Variants in ARHGAP18 observed in about 807,000 individuals in gnomAD.
ARHGAP18 encodes the protein rho GTPase-activating protein 18.
A neutral mutation model predicts 86.2 loss-of-function variants in ARHGAP18; 67 were observed. The observed-to-expected ratio is 0.78, with a 90% confidence interval of 0.64 to 0.95. The LOEUF (loss-of-function observed/expected upper bound fraction) is 0.95, where lower values mean the gene tolerates loss of function less well. Among genes scored for constraint, ARHGAP18 ranks in the 40% least tolerant of loss-of-function variants. The pLI is 0.00. For synonymous variants in ARHGAP18, 283 were observed against 280.4 expected, an observed-to-expected ratio of 1.01 and a Z score of -0.09; for missense variants, 691 against 780.4, an observed-to-expected ratio of 0.89 and a Z score of 1.37.
chr6:129,667,725 A>G (rs1419501609), intron 1 of ARHGAP18, among the ~76,000 whole-genome samples: 1 of 152,024 alleles, frequency 6.6e-6, no homozygotes, highest in Admixed American at 6.6e-5. Flanking sequence ...GAAACTGACA[A>G]GAAATTCACT....
At chr6:129,650,254 T>G (rs1171071936) in intron 1 of ARHGAP18, among the ~76,000 whole-genome samples, 2 of 151,902 alleles carry the variant, frequency 1.3e-5, no homozygotes, top group Non-Finnish European at 2.9e-5. Flanking sequence ...ACTAAAAGAA[T>G]AGGGACATAG....
chr6:129,706,054 C>T (rs374809033), intron 1 of ARHGAP18, among the ~76,000 whole-genome samples: 21 of 152,278 alleles, frequency 1.4e-4, no homozygotes, highest in African/African-American at 4.8e-4. Flanking sequence ...ATATCTCACT[C>T]ATCAGTCCAT....
chr6:129,641,761 C>A (rs767777767), intron 2 of ARHGAP18, 55 bp downstream of exon 2: 54 of 1,459,236 alleles, frequency 3.7e-5, no homozygotes, highest in Non-Finnish European at 5.0e-5. Flanking sequence ...TCTATGCATT[C>A]ATTTCCTATA....
intron 1 of ARHGAP18, among the ~76,000 whole-genome samples, chr6:129,666,655 G>C (rs547017660): frequency 6.6e-5 from 10 of 152,274 alleles, no homozygotes; most frequent in African/African-American, 2.4e-4. Context: ...CCCTTCCCCA[G>C]CTACTTCTCT....
At chr6:129,662,245 G>A (rs1345377540) in intron 1 of ARHGAP18, among the ~76,000 whole-genome samples, 1 of 152,218 alleles carries the variant, frequency 6.6e-6, no homozygotes, top group Non-Finnish European at 1.5e-5. Context: ...TACAAATATG[G>A]CAGAAGATGA....
chr6:129,687,789 AT>A (rs5879961), intron 1 of ARHGAP18, among the ~76,000 whole-genome samples: 28,936 of 151,596 alleles, frequency 0.19, 3,110 homozygotes, highest in South Asian at 0.32. Flanking sequence ...GTAACCAAAC[AT>A]TTTTTTTTAA....
intron 4 of ARHGAP18, among the ~76,000 whole-genome samples, 180 bp from the exon 5 acceptor site, chr6:129,629,702 T>C (rs887922325): frequency 7.2e-5 from 11 of 152,124 alleles, no homozygotes; most frequent in African/African-American, 1.2e-4. Flanking sequence ...GCATGGGAAG[T>C]GGGCAGGGAG....
In ARHGAP18 at chr6:129,623,483, T is replaced by A. The variant is rs1344429969; in HGVS notation, c.787-4631A>T. On this transcript the variant is annotated intron_variant, in intron 5 of 14. Transcript: ENST00000368149. ...AGAAATTTGAATCCACGATGAGAGA[T>A]CATAAAGAATTGACAAAGGTTGCTC... is the stretch of plus-strand genomic sequence containing the variant. Among the ~76,000 whole-genome samples the A allele has an allele frequency of 2.6e-5, 4 of 152,132 alleles. No homozygotes were observed. In the East Asian group the frequency reaches 7.7e-4, roughly 29 times the overall value.
At chr6:129,581,899 A>G (rs1170696691) in intron 13 of ARHGAP18, among the ~76,000 whole-genome samples, 3 of 152,162 alleles carry the variant, frequency 2.0e-5, no homozygotes, top group Non-Finnish European at 4.4e-5. Flanking sequence ...AGACAGTGCT[A>G]TATGCTGCAT....
At chr6:129,588,407 T>G (rs1788443973) in intron 12 of ARHGAP18, among the ~76,000 whole-genome samples, 1 of 152,218 alleles carries the variant, frequency 6.6e-6, no homozygotes, top group Non-Finnish European at 1.5e-5. Flanking sequence ...TGAGCCACCA[T>G]GCCCAGCCTA....
intron 10 of ARHGAP18, among the ~76,000 whole-genome samples, chr6:129,603,498 A>G (rs773844382): frequency 1.3e-5 from 2 of 152,178 alleles, no homozygotes; most frequent in Non-Finnish European, 2.9e-5. Context: ...CTGAAAAGCC[A>G]GGTTTGAGTA....
chr6:129,578,713 T>C, intron 14 of ARHGAP18, 109 bp from the exon 15 acceptor site: 2 of 909,924 alleles, frequency 2.2e-6, no homozygotes, highest in Non-Finnish European at 3.2e-6. Context: ...AAAATACTTA[T>C]TCTACTTTGG....
intron 7 of ARHGAP18, among the ~76,000 whole-genome samples, chr6:129,615,661 G>A (rs1056913163): frequency 6.6e-6 from 1 of 152,122 alleles, no homozygotes; most frequent in African/African-American, 2.4e-5. Context: ...CTGTATTTCT[G>A]AACAATGATG....
intron 6 of ARHGAP18, 98 bp downstream of exon 6, chr6:129,618,589 G>T (rs1789143754): frequency 1.8e-6 from 2 of 1,133,164 alleles, no homozygotes; most frequent in African/African-American, 3.1e-5. Context: ...GGTTTATTTT[G>T]CAGGTGTTTT....
At position 129,643,009 on chromosome 6, in the gene ARHGAP18, A is replaced by G. The variant is rs1773502143; in HGVS notation, c.114-991T>C. 2.0e-5 allele frequency among the ~76,000 whole-genome samples: 3 copies of G among 152,146 alleles called. No individual in the cohort carries two copies. The South Asian group carries it at 6.2e-4, about 32-fold the overall frequency. ...ATGAAGAATAAATTGAATAAATAAG[A>G]GTATTTGTATAACTTCAAGTAAACA... is the stretch of plus-strand genomic sequence containing the variant. On this transcript the variant is annotated intron_variant, in intron 1 of 14. Coordinates refer to ENST00000368149, the MANE Select transcript of ARHGAP18 (RefSeq NM_033515.3).
At chr6:129,625,209 TAATA>T (rs1789353506) in intron 5 of ARHGAP18, among the ~76,000 whole-genome samples, 1 of 58,154 alleles carries the variant, frequency 1.7e-5, no homozygotes, top group African/African-American at 8.2e-5. Flanking sequence ...TATTTATATG[TAATA>T]TATATGATAT....
chr6:129,639,496 C>G (rs188001083), intron 2 of ARHGAP18, among the ~76,000 whole-genome samples: 5 of 152,264 alleles, frequency 3.3e-5, no homozygotes, highest in Admixed American at 1.3e-4. Context: ...GTTTTCTGAT[C>G]TGTAAACTAA....
At chr6:129,593,983 ATT>A (rs1390975616) in intron 12 of ARHGAP18, among the ~76,000 whole-genome samples, 1 of 152,116 alleles carries the variant, frequency 6.6e-6, no homozygotes. Flanking sequence ...AGCATACAAA[ATT>A]ATTATTTTTT....
intron 1 of ARHGAP18, among the ~76,000 whole-genome samples, chr6:129,646,918 A>G (rs1318190168): frequency 6.6e-6 from 1 of 152,190 alleles, no homozygotes; most frequent in Non-Finnish European, 1.5e-5. Flanking sequence ...CACTGTTTTA[A>G]GAATTCTCAA....
Sources: allele counts gnomAD v4.1 joint callset (sites outside exome capture counted in the v4.1 genomes callset), GRCh38; gene constraint gnomAD v4.1.1; transcripts MANE v1.5; gene names NCBI Gene and HGNC (gene_info 2026-07-23, HGNC 2026-07-21).